The following DCC variants were observed in gnomAD, a reference collection of about 807,000 sequenced individuals.
DCC encodes DCC netrin 1 receptor.
A neutral mutation model predicts 172.5 loss-of-function variants in DCC; 58 were observed. The observed-to-expected ratio is 0.34, with a 90% CI of 0.27 to 0.42. DCC has a LOEUF of 0.42. Among genes scored for constraint, DCC ranks in the 10% least tolerant of loss-of-function variants. The probability of loss-of-function intolerance (pLI) is 1.00; values close to 1 mark genes in which losing one functional copy is unlikely to be tolerated. For synonymous variants in DCC, 709 were observed against 644.5 expected, an observed-to-expected ratio of 1.10 and a Z score of -1.52; for missense variants, 1,740 against 1,791.0, an observed-to-expected ratio of 0.97 and a Z score of 0.51.
At chr18:53,158,869 T>G (rs2054789607) in intron 8 of DCC, among the ~76,000 whole-genome samples, 5 of 151,546 alleles carry the variant, frequency 3.3e-5, no homozygotes. Flanking sequence ...GGCGCGCACC[T>G]GTCATCCTAG....
chr18:52,625,101 G>T (rs1369685158), intron 1 of DCC, among the ~76,000 whole-genome samples: 1 of 152,048 alleles, frequency 6.6e-6, no homozygotes, highest in African/African-American at 2.4e-5. Flanking sequence ...TGTAACAGTG[G>T]TTTTTGCGTA....
At chr18:53,062,296 TAGAA>T (rs1437820257) in intron 5 of DCC, among the ~76,000 whole-genome samples, 8 of 152,028 alleles carry the variant, frequency 5.3e-5, no homozygotes, top group Non-Finnish European at 8.8e-5. Flanking sequence ...TGATGGCTGT[TAGAA>T]AGAGCAAAAT....
At chr18:53,373,853 A>G (rs1473889727) in intron 15 of DCC, among the ~76,000 whole-genome samples, 1 of 150,236 alleles carries the variant, frequency 6.7e-6, no homozygotes, top group Non-Finnish European at 1.5e-5. Flanking sequence ...GAATGAGATA[A>G]GGCAAATGCT....
rs529334582 is a variant in DCC, at chr18:53,347,821, C to T, written c.2359+7914C>T. Among the ~76,000 whole-genome samples, 56 of 152,118 alleles carry T rather than the reference C, an allele frequency of 3.7e-4. 1 individual carries two copies. The South Asian group carries it at 0.011, about 29-fold the overall frequency. Reference sequence around the variant, plus strand: ...CAAAAAGAGAGCTTGTGCAGAGAAACGCCCCTTTAAAAAACCATGAGATCT... The same window carrying T: ...CAAAAAGAGAGCTTGTGCAGAGAAATGCCCCTTTAAAAAACCATGAGATCT... On this transcript the variant is annotated intron_variant, in intron 15 of 28. Coordinates refer to ENST00000442544, the MANE Select transcript of DCC (RefSeq NM_005215.4).
At chr18:52,495,768 A>ATTT (rs199884010) in intron 1 of DCC, among the ~76,000 whole-genome samples, 22 of 144,902 alleles carry the variant, frequency 1.5e-4, no homozygotes, top group African/African-American at 5.5e-4. Context: ...TTATTTATGT[A>ATTT]TTTTTTTTTT....
chr18:52,723,479 G>A (rs1358326050), intron 1 of DCC, among the ~76,000 whole-genome samples: 2 of 152,126 alleles, frequency 1.3e-5, no homozygotes, highest in Non-Finnish European at 2.9e-5. Flanking sequence ...TGTAAAGGAG[G>A]AAAACCTAGA....
chr18:52,535,011 C>T (rs1340557817), intron 1 of DCC, among the ~76,000 whole-genome samples: 1 of 152,132 alleles, frequency 6.6e-6, no homozygotes, highest in African/African-American at 2.4e-5. Context: ...TTTCCCCCAT[C>T]TCCCCCTGTC....
At chr18:52,502,847 C>T (rs1469385432) in intron 1 of DCC, among the ~76,000 whole-genome samples, 1 of 152,200 alleles carries the variant, frequency 6.6e-6, no homozygotes, top group Non-Finnish European at 1.5e-5. Context: ...CATTCAGTGA[C>T]ATCGTGGGAG....
At chr18:53,300,961 C>CTTTCTTTCTTTCTTTCTTTCTTTCT (rs1568039988) in intron 12 of DCC, among the ~76,000 whole-genome samples, 2 of 128,032 alleles carry the variant, frequency 1.6e-5, no homozygotes, top group African/African-American at 6.2e-5. Context: ...GTTCTGGATT[C>CTTTCTTTCTTTCTTTCTTTCTTTCT]ATTCTTTCTT....
intron 1 of DCC, among the ~76,000 whole-genome samples, chr18:52,573,973 C>A (rs1436398428): frequency 6.6e-6 from 1 of 152,110 alleles, no homozygotes; most frequent in East Asian, 1.9e-4. Flanking sequence ...TTCTAAGTAG[C>A]CTATCCAAGT....
intron 1 of DCC, among the ~76,000 whole-genome samples, chr18:52,584,838 C>A (rs939378068): frequency 2.6e-5 from 4 of 152,034 alleles, no homozygotes; most frequent in African/African-American, 9.7e-5. Flanking sequence ...CTGCACCCAG[C>A]CTAAACCACT....
At chr18:53,332,734 T>C (rs1265312292) in intron 14 of DCC, among the ~76,000 whole-genome samples, 1 of 152,170 alleles carries the variant, frequency 6.6e-6, no homozygotes. Flanking sequence ...TTGGCAGTGA[T>C]GGGATTTTTC....
At chr18:53,435,732 A>C (rs943082876) in intron 22 of DCC, among the ~76,000 whole-genome samples, 1 of 152,174 alleles carries the variant, frequency 6.6e-6, no homozygotes, top group African/African-American at 2.4e-5. Flanking sequence ...ATTTCTGCTC[A>C]TCCTAGTGGA....
intron 5 of DCC, among the ~76,000 whole-genome samples, chr18:53,011,508 T>A (rs1379711145): frequency 6.6e-6 from 1 of 151,770 alleles, no homozygotes; most frequent in East Asian, 1.9e-4. Flanking sequence ...CTTAAAGACT[T>A]AAAAAGTCAA....
chr18:53,108,096 T>C (rs1440672651), intron 7 of DCC, among the ~76,000 whole-genome samples: 1 of 151,842 alleles, frequency 6.6e-6, no homozygotes, highest in African/African-American at 2.4e-5. Flanking sequence ...TCAGTGGCTT[T>C]TTGTGTGTTT....
intron 2 of DCC, among the ~76,000 whole-genome samples, chr18:52,839,180 CT>C (rs1177547545): frequency 6.6e-6 from 1 of 152,076 alleles, no homozygotes; most frequent in East Asian, 1.9e-4. Flanking sequence ...ATGAATCAAC[CT>C]ATTCAATAAT....
chr18:52,497,279 AAATATATATATATAT>A lies in DCC; in HGVS notation c.91+156403_91+156417del, dbSNP rs1330650179. Among the ~76,000 whole-genome samples the A allele has an allele frequency of 2.1e-4, 8 of 38,152 alleles. 1 individual carries two copies. Among genetic ancestry groups the A allele is most frequent in the African/African-American group, 7.9e-4 (8 of 10,178 alleles). 25.0% of individuals were successfully genotyped at this position (38,152 alleles called of 152,430 possible). ...CTGTATCAAAAAAAAAAAAAAAAAAAAATATATATATATATATATATATATATATATATATACACA... is the reference window on the plus strand; with the variant it reads ...CTGTATCAAAAAAAAAAAAAAAAAAAATATATATATATATATATATACACA... On this transcript the variant is annotated intron_variant, in intron 1 of 28. Coordinates refer to ENST00000442544, the MANE Select transcript of DCC (RefSeq NM_005215.4).
chr18:53,210,800 GT>G (rs200422967), intron 11 of DCC, among the ~76,000 whole-genome samples: 3 of 150,878 alleles, frequency 2.0e-5, no homozygotes, highest in South Asian at 4.2e-4. Flanking sequence ...ATTACTTTAT[GT>G]TTTTTTTTCC....
At chr18:53,346,923 T>G (rs148975112) in intron 15 of DCC, among the ~76,000 whole-genome samples, 16 of 152,274 alleles carry the variant, frequency 1.1e-4, no homozygotes, top group African/African-American at 3.4e-4. Context: ...ATATATTGGT[T>G]TTAGAAGGCA....
Sources: allele counts gnomAD v4.1 joint callset (sites outside exome capture counted in the v4.1 genomes callset), GRCh38; gene constraint gnomAD v4.1.1; transcripts MANE v1.5; gene names NCBI Gene and HGNC (gene_info 2026-07-23, HGNC 2026-07-21).